Variants in FAT3 observed in about 807,000 individuals in gnomAD.
FAT3 encodes the protein FAT atypical cadherin 3, also known as protocadherin Fat 3.
FAT3 carries 95 observed loss-of-function variants against 310.2 expected under a neutral mutation model. The ratio of observed to expected loss-of-function variants is 0.31; its 90% CI spans 0.26 to 0.36. FAT3 has a LOEUF of 0.36. Among genes scored for constraint, FAT3 ranks in the 10% least tolerant of loss-of-function variants. FAT3 has a pLI of 1.00. For missense variants in FAT3, 5,408 were observed against 5,715.6 expected, an observed-to-expected ratio of 0.95 and a Z score of 1.74; for synonymous variants, 2,314 against 2,192.9, an observed-to-expected ratio of 1.06 and a Z score of -1.54.
intron 1 of FAT3, among the ~76,000 whole-genome samples, chr11:92,263,352 T>C (rs1439768701): frequency 6.6e-6 from 1 of 151,778 alleles, no homozygotes; most frequent in Non-Finnish European, 1.5e-5. Context: ...CACACACACA[T>C]ATTATATAAT....
chr11:92,279,322 CA>C (rs1248309705), intron 1 of FAT3, among the ~76,000 whole-genome samples: 1 of 152,138 alleles, frequency 6.6e-6, no homozygotes, highest in African/African-American at 2.4e-5. Flanking sequence ...TGGGAAGTTA[CA>C]GGGGTTCTTT....
chr11:92,604,675 T>TA (rs2135597545), intron 3 of FAT3, among the ~76,000 whole-genome samples: 1 of 152,330 alleles, frequency 6.6e-6, no homozygotes, highest in East Asian at 1.9e-4. Context: ...GCCCTGTATA[T>TA]ACCCATCCTG....
At chr11:92,446,820 T>G (rs1565323917) in intron 2 of FAT3, among the ~76,000 whole-genome samples, 1 of 152,192 alleles carries the variant, frequency 6.6e-6, no homozygotes, top group Non-Finnish European at 1.5e-5. Context: ...AATGAGTATT[T>G]TTAATATTAA....
intron 2 of FAT3, among the ~76,000 whole-genome samples, chr11:92,382,605 TAC>T: frequency 6.6e-6 from 1 of 152,212 alleles, no homozygotes; most frequent in African/African-American, 2.4e-5. Context: ...ACCATCTAGA[TAC>T]CCATCAGCCT....
rs1947288717 is a variant in FAT3, at chr11:92,799,966, A to T, written c.6953A>T (p.Asn2318Ile). ...QVVSIDADSE[N>I]NKMVHYQIVQ... ...GTCTCTATTGATGCAGACTCAGAAA[A>T]CAATAAAATGGTACATTATCAGATT... The change falls in exon 10 of 28, where the codon AAC becomes ATC. Residue 2318 changes from asparagine (N) to isoleucine (I), a missense_variant. Physicochemically the swap from Asn to Ile is moderately radical, Grantham distance 149. Transcript: ENST00000525166. 6.2e-7 allele frequency: 1 copy of T among 1,613,254 alleles called. No homozygotes were observed. The highest frequency in any genetic ancestry group is 2.2e-5 in the East Asian group (1 of 44,816).
chr11:92,346,231 C>T lies in FAT3; in HGVS notation c.-17-5865C>T, dbSNP rs747693717. Among the ~76,000 whole-genome samples, 72 of 152,092 alleles carry T rather than the reference C, an allele frequency of 4.7e-4. 1 individual carries two copies. The highest frequency in any genetic ancestry group is 5.3e-4 in the Non-Finnish European group (36 of 68,024). On this transcript the variant is annotated intron_variant, in intron 1 of 27. Transcript: ENST00000525166. The stretch of plus-strand genomic sequence containing the variant: ...TTGGGTGGTATCAGAATAGGCTGCT[C>T]TAGAAGATAGGGCTAAGCAGTATCT...
intron 3 of FAT3, among the ~76,000 whole-genome samples, chr11:92,622,615 A>G (rs1445782391): frequency 2.6e-5 from 4 of 152,156 alleles, no homozygotes; most frequent in Non-Finnish European, 5.9e-5. Context: ...TTATATATCA[A>G]CTGTCTAGCT....
chr11:92,883,986 G>A lies in FAT3; in HGVS notation c.12937+593G>A, dbSNP rs1045135696. 1.3e-5 allele frequency among the ~76,000 whole-genome samples: 2 copies of A among 152,174 alleles called. No homozygotes were observed. Among genetic ancestry groups the A allele is most frequent in the African/African-American group, 4.8e-5 (2 of 41,444 alleles). On this transcript the variant is annotated intron_variant, in intron 24 of 27. Transcript: ENST00000525166. The surrounding 1 kb of genome is among the most constrained non-coding windows in gnomAD (Gnocchi z 4.2). ...ACCCATGTGATCAGAAGAAAAGCAAGTCATTTCTTCTTGGCTGGAATGTAG... is the reference window on the plus strand; with the variant it reads ...ACCCATGTGATCAGAAGAAAAGCAAATCATTTCTTCTTGGCTGGAATGTAG...
intron 13 of FAT3, among the ~76,000 whole-genome samples, chr11:92,826,302 G>C (rs1204540908): frequency 6.6e-6 from 1 of 152,224 alleles, no homozygotes; most frequent in African/African-American, 2.4e-5. Context: ...GTTTAAATAA[G>C]AGCATGAGTT....
rs183242399 is a variant in FAT3 at position 92,616,432 on chromosome 11, A to G, written c.3608-80952A>G. ...CTGATGGGTCTTGACTCTTTATCCA[A>G]TTTGCCAGTCTGTGTCCTTTAATTG... On this transcript the variant is annotated intron_variant, in intron 3 of 27. Coordinates refer to ENST00000525166, the MANE Select transcript of FAT3 (RefSeq NM_001367949.2). Among the ~76,000 whole-genome samples, 442 of 152,132 alleles carry G rather than the reference A, an allele frequency of 2.9e-3. 3 individuals carry two copies. Among genetic ancestry groups the G allele is most frequent in the African/African-American group, 9.9e-3 (410 of 41,500 alleles).
rs148685187 is a variant in FAT3, at chr11:92,420,741, A to G, written c.3292+65337A>G. Among the ~76,000 whole-genome samples the G allele has an allele frequency of 3.3e-5, 5 of 152,322 alleles. No individual in the cohort carries two copies. The East Asian group carries it at 7.7e-4, about 24-fold the overall frequency. ...CAAGGGAAAAATATACAAACAGATT[A>G]AAGTGCACTTACAAACCCAGCTGGC... On this transcript the variant is annotated intron_variant, in intron 2 of 27. Coordinates refer to ENST00000525166, the MANE Select transcript of FAT3 (RefSeq NM_001367949.2).
chr11:92,451,726 A>G (rs1259664304), intron 2 of FAT3, among the ~76,000 whole-genome samples: 1 of 152,202 alleles, frequency 6.6e-6, no homozygotes, highest in Non-Finnish European at 1.5e-5. Context: ...ATAATTGGCA[A>G]CTGGATAATG....
chr11:92,595,498 C>T lies in FAT3; in HGVS notation c.3607+70550C>T, dbSNP rs1939658178. On this transcript the variant is annotated intron_variant, in intron 3 of 27. Coordinates refer to ENST00000525166, the MANE Select transcript of FAT3 (RefSeq NM_001367949.2). ...TCCACAACACAAATTGCTTTTCTTC[C>T]CGAACATTATGGTAGTACTTCCTGG... 2.6e-5 allele frequency among the ~76,000 whole-genome samples: 4 copies of T among 152,102 alleles called. No homozygotes were observed. In the South Asian group the frequency reaches 8.3e-4, roughly 32 times the overall value.
intron 2 of FAT3, among the ~76,000 whole-genome samples, chr11:92,416,339 G>A (rs1443234227): frequency 6.7e-6 from 1 of 148,562 alleles, no homozygotes; most frequent in Admixed American, 6.7e-5. Context: ...AGGCGAGATC[G>A]CTCCATTGCA....
At position 92,762,209 on chromosome 11, in the gene FAT3, G is replaced by A. The variant is rs138596904; in HGVS notation, c.3984+39G>A. On this transcript the variant is annotated intron_variant, in intron 5 of 27. Transcript: ENST00000525166. The stretch of plus-strand genomic sequence containing the variant: ...AACTCCAGCAGCACAGCAGATGGGG[G>A]GAAGTGGTTATGTTCTTATTCAAGT... 1,063 of 1,554,530 alleles carry A rather than the reference G, an allele frequency of 6.8e-4. 9 individuals are homozygous for A. The African/African-American group carries it at 0.013, about 19-fold the overall frequency.
At chr11:92,435,052 A>T (rs1950893917) in intron 2 of FAT3, among the ~76,000 whole-genome samples, 1 of 152,154 alleles carries the variant, frequency 6.6e-6, no homozygotes, top group Admixed American at 6.5e-5. Flanking sequence ...AACTGCTTGC[A>T]AACAGCATGG....
intron 4 of FAT3, among the ~76,000 whole-genome samples, chr11:92,751,991 G>A (rs937931362): frequency 1.3e-5 from 2 of 152,006 alleles, no homozygotes; most frequent in Admixed American, 6.5e-5. Flanking sequence ...TCAAGCAGAG[G>A]ACTGAGCAAA....
At chr11:92,341,029 C>T (rs1452570595) in intron 1 of FAT3, among the ~76,000 whole-genome samples, 1 of 152,122 alleles carries the variant, frequency 6.6e-6, no homozygotes, top group African/African-American at 2.4e-5. Flanking sequence ...CTACTCAGGC[C>T]AACTCTGAAG....
At chr11:92,747,257 C>T (rs1945698476) in intron 4 of FAT3, among the ~76,000 whole-genome samples, 1 of 152,258 alleles carries the variant, frequency 6.6e-6, no homozygotes, top group African/African-American at 2.4e-5. Context: ...TTCTTGACTT[C>T]TGTGCACCCA....
Sources: gnomAD v4.1 joint callset for allele counts (sites outside exome capture counted in the v4.1 genomes callset) on GRCh38, gnomAD v4.1.1 for gene constraint, Gnocchi (gnomAD v3.1) non-coding constraint, MANE v1.5 for transcripts, NCBI Gene and HGNC (gene_info 2026-07-23, HGNC 2026-07-21) for gene names.